Variants in NUCB2 observed in about 807,000 individuals in gnomAD.
NUCB2 encodes nucleobindin-2.
Under a neutral mutation model 57.9 loss-of-function variants are expected in NUCB2, and 48 were observed. The ratio of observed to expected loss-of-function variants is 0.83; its 90% CI spans 0.66 to 1.05. The LOEUF is 1.05. Among genes scored for constraint, NUCB2 ranks in the 50% least tolerant of loss-of-function variants. The probability of loss-of-function intolerance (pLI) is 0.00; values close to 1 mark genes in which losing one functional copy is unlikely to be tolerated. For missense variants in NUCB2, 442 were observed against 476.2 expected, an observed-to-expected ratio of 0.93 and a Z score of 0.67; for synonymous variants, 139 against 152.1, an observed-to-expected ratio of 0.91 and a Z score of 0.64.
chr11:17,314,961 C>A (rs1419493867), intron 10 of NUCB2, among the ~76,000 whole-genome samples: 2 of 152,104 alleles, frequency 1.3e-5, no homozygotes, highest in East Asian at 3.8e-4. Flanking sequence ...ATGTTGAGAG[C>A]ATTTTAATTT....
At chr11:17,277,388 T>C (rs981223115) in intron 1 of NUCB2, among the ~76,000 whole-genome samples, 1 of 152,232 alleles carries the variant, frequency 6.6e-6, no homozygotes, top group Admixed American at 6.5e-5. Context: ...TATTTCCTTG[T>C]TGCACCTGCT....
intron 2 of NUCB2, among the ~76,000 whole-genome samples, chr11:17,344,459 A>G (rs1206898610): frequency 6.6e-6 from 1 of 151,976 alleles, no homozygotes; most frequent in East Asian, 1.9e-4. Flanking sequence ...GCGCTCCCCC[A>G]TTTTCCCACT....
chr11:17,301,891 AG>A, intron 5 of NUCB2, 21 bp downstream of exon 5: 1 of 1,596,016 alleles, frequency 6.3e-7, no homozygotes, highest in Non-Finnish European at 8.5e-7. Context: ...AACAAAAGGT[AG>A]GATTTTTTTT....
chr11:17,321,720 G>A (rs570965838), intron 11 of NUCB2, among the ~76,000 whole-genome samples: 1 of 152,214 alleles, frequency 6.6e-6, no homozygotes, highest in Admixed American at 6.5e-5. Flanking sequence ...CCTACCAACA[G>A]TGTACGAGGG....
At chr11:17,344,723 A>G (rs538395034) in intron 2 of NUCB2, among the ~76,000 whole-genome samples, 5 of 152,268 alleles carry the variant, frequency 3.3e-5, no homozygotes, top group Non-Finnish European at 7.3e-5. Context: ...AAACAGGGTT[A>G]TCTTCTAAAA....
chr11:17,306,942 T>C (rs889427302), intron 5 of NUCB2, among the ~76,000 whole-genome samples: 3 of 151,876 alleles, frequency 2.0e-5, no homozygotes, highest in South Asian at 2.1e-4. Flanking sequence ...GAAAACAGTC[T>C]GATGTAACTT....
At chr11:17,344,248 C>A (rs1401753097) in intron 2 of NUCB2, among the ~76,000 whole-genome samples, 1 of 152,124 alleles carries the variant, frequency 6.6e-6, no homozygotes, top group Non-Finnish European at 1.5e-5. Context: ...TAAGCAGAAG[C>A]CTATCTATAG....
chr11:17,335,642 C>A (rs995054861), downstream of NUCB2, among the ~76,000 whole-genome samples: 1 of 152,154 alleles, frequency 6.6e-6, no homozygotes, highest in South Asian at 2.1e-4. Flanking sequence ...GCTGGGATTA[C>A]AGGCACCTGC....
At chr11:17,292,534 A>G (rs1468810718) in intron 2 of NUCB2, among the ~76,000 whole-genome samples, 1 of 152,212 alleles carries the variant, frequency 6.6e-6, no homozygotes, top group South Asian at 2.1e-4. Context: ...TTTAGAAAAT[A>G]TGGAGTAGGC....
intron 1 of NUCB2, among the ~76,000 whole-genome samples, chr11:17,280,197 A>T (rs763619216): frequency 6.6e-6 from 1 of 152,154 alleles, no homozygotes; most frequent in Non-Finnish European, 1.5e-5. Flanking sequence ...AGTGATACAG[A>T]TCTGTTTTTC....
chr11:17,331,129 A>C, intron 13 of NUCB2, 146 bp downstream of exon 13: 3 of 669,734 alleles, frequency 4.5e-6, no homozygotes, highest in Non-Finnish European at 7.3e-6. Context: ...AATTTAGATT[A>C]TAGAAAAATG....
downstream of NUCB2, chr11:17,333,670 C>T (rs547668941): frequency 6.6e-6 from 1 of 152,182 alleles, no homozygotes; most frequent in Non-Finnish European, 1.5e-5. Context: ...CTGATCTCTT[C>T]CCCTAGGATG....
At chr11:17,278,245 A>T (rs1259913952) in intron 1 of NUCB2, 1 of 136,542 alleles carries the variant, frequency 7.3e-6, no homozygotes, top group East Asian at 2.1e-4. Context: ...GCCCGATCTC[A>T]GCTCACTGCA....
At chr11:17,292,957 C>T (rs889837172) in intron 2 of NUCB2, among the ~76,000 whole-genome samples, 4 of 152,066 alleles carry the variant, frequency 2.6e-5, no homozygotes, top group East Asian at 1.9e-4. Context: ...TTTGTCACTT[C>T]AAGATGTTGT....
chr11:17,290,032 G>A (rs1944657148), intron 2 of NUCB2, among the ~76,000 whole-genome samples: 1 of 152,110 alleles, frequency 6.6e-6, no homozygotes, highest in South Asian at 2.1e-4. Flanking sequence ...TGCATTGTTT[G>A]GCTGCTGATA....
chr11:17,348,470 C>G (rs776745492), intron 2 of NUCB2, among the ~76,000 whole-genome samples: 4 of 151,502 alleles, frequency 2.6e-5, no homozygotes, highest in Non-Finnish European at 4.4e-5. Context: ...TCTCAAATAG[C>G]TGGGAATATA....
intron 11 of NUCB2, among the ~76,000 whole-genome samples, chr11:17,324,545 T>C (rs1290976619): frequency 6.6e-6 from 1 of 152,082 alleles, no homozygotes; most frequent in Non-Finnish European, 1.5e-5. Flanking sequence ...GCAGTTCTTG[T>C]GCCTCAGCCT....
chr11:17,344,407 G>T (rs1014156829), intron 2 of NUCB2, among the ~76,000 whole-genome samples: 1 of 152,160 alleles, frequency 6.6e-6, no homozygotes, highest in Non-Finnish European at 1.5e-5. Flanking sequence ...CTTTTGCCTG[G>T]ATGACCTGAA....
chr11:17,297,170 A>G (rs906244837), intron 4 of NUCB2, among the ~76,000 whole-genome samples: 1 of 152,156 alleles, frequency 6.6e-6, no homozygotes, highest in African/African-American at 2.4e-5. Flanking sequence ...AATTCCAATA[A>G]TGTCTCCTAA....
Sources: allele counts gnomAD v4.1 joint callset (sites outside exome capture counted in the v4.1 genomes callset), GRCh38; gene constraint gnomAD v4.1.1; transcripts MANE v1.5; gene names NCBI Gene and HGNC (gene_info 2026-07-23, HGNC 2026-07-21).